The following CDKAL1 variants were observed in gnomAD, a reference collection of about 807,000 sequenced individuals.
CDKAL1 encodes the protein threonylcarbamoyladenosine tRNA methylthiotransferase.
CDKAL1 carries 32 observed loss-of-function variants against 68.2 expected under a neutral mutation model. The ratio of observed to expected loss-of-function variants is 0.47; its 90% confidence interval spans 0.35 to 0.63. The LOEUF is 0.63. Ranked by LOEUF, CDKAL1 falls within the 30% of genes least tolerant of loss-of-function variation. CDKAL1 has a pLI of 0.00. For missense variants in CDKAL1, 606 were observed against 696.7 expected (o/e 0.87, Z 1.47); for synonymous variants, 234 against 244.3 (o/e 0.96, Z 0.39).
At position 20,765,318 on chromosome 6, in the gene CDKAL1, G is replaced by T. The variant is rs1231968691; in HGVS notation, c.517+6675G>T. ...ACTACAGGCGCCCGCCACTACGCCC[G>T]GCTAATTTTTTGTATTTTTAGTAGA... On this transcript the variant is annotated intron_variant, in intron 7 of 15. Transcript: ENST00000274695. Among the ~76,000 whole-genome samples, 129 of 85,644 alleles carry T rather than the reference G, an allele frequency of 1.5e-3. 42 individuals are homozygous for T. Among genetic ancestry groups the T allele is most frequent in the African/African-American group, 5.8e-3 (127 of 21,968 alleles). The allele number at this position is 85,644 out of a possible 152,430, so 56.2% of individuals were successfully genotyped here. A position where few individuals can be genotyped will look rare whatever the true frequency, so the allele number is the denominator to read the frequency against.
intron 11 of CDKAL1, among the ~76,000 whole-genome samples, chr6:21,036,150 C>CA (rs1769586456): frequency 6.6e-6 from 1 of 152,134 alleles, no homozygotes; most frequent in Admixed American, 6.6e-5. Context: ...AGCAGCTTGA[C>CA]ATTACTTGGG....
chr6:20,636,024 C>T (rs1414709648), intron 4 of CDKAL1, among the ~76,000 whole-genome samples: 3 of 152,118 alleles, frequency 2.0e-5, no homozygotes, highest in Admixed American at 1.3e-4. Flanking sequence ...TGTGTCCCCT[C>T]GTCTTCAGAG....
At chr6:21,159,891 T>A (rs1776829461) in intron 13 of CDKAL1, among the ~76,000 whole-genome samples, 1 of 152,228 alleles carries the variant, frequency 6.6e-6, no homozygotes. Context: ...GAGAATATGC[T>A]TATGTAACAG....
chr6:20,996,340 G>T (rs1767105256), intron 10 of CDKAL1, among the ~76,000 whole-genome samples: 4 of 152,240 alleles, frequency 2.6e-5, no homozygotes. Context: ...AAGAGGCCTA[G>T]CTTTTAACGT....
intron 5 of CDKAL1, among the ~76,000 whole-genome samples, chr6:20,679,781 AT>A (rs1770289749): frequency 1.3e-5 from 2 of 152,048 alleles, no homozygotes; most frequent in Admixed American, 1.3e-4. Flanking sequence ...TCATTATTTT[AT>A]CTTTTATGCC....
At chr6:21,132,795 C>G (rs1775393264) in intron 13 of CDKAL1, among the ~76,000 whole-genome samples, 1 of 151,990 alleles carries the variant, frequency 6.6e-6, no homozygotes, top group South Asian at 2.1e-4. Context: ...ATCTGTCTAC[C>G]CCCCAAAACT....
chr6:20,570,452 G>A (rs1037902649), intron 4 of CDKAL1, among the ~76,000 whole-genome samples: 4 of 151,744 alleles, frequency 2.6e-5, no homozygotes, highest in Non-Finnish European at 5.9e-5. Context: ...CTAGGCTGGA[G>A]TGCAGTGGCG....
chr6:21,116,408 A>G (rs1195278011), intron 13 of CDKAL1, among the ~76,000 whole-genome samples: 2 of 152,202 alleles, frequency 1.3e-5, no homozygotes, highest in Non-Finnish European at 2.9e-5. Context: ...TGTAACCAGC[A>G]CTATTCTCAA....
chr6:20,535,656 G>T (rs1222548076), intron 2 of CDKAL1, among the ~76,000 whole-genome samples: 2 of 151,554 alleles, frequency 1.3e-5, no homozygotes, highest in African/African-American at 4.9e-5. Flanking sequence ...TTTTTTCCTT[G>T]TCTGGTGGCT....
chr6:20,900,034 G>A (rs1261065910), intron 9 of CDKAL1, among the ~76,000 whole-genome samples: 1 of 152,174 alleles, frequency 6.6e-6, no homozygotes, highest in Non-Finnish European at 1.5e-5. Context: ...AGAGATGCTA[G>A]CACCCTCTGT....
intron 12 of CDKAL1, among the ~76,000 whole-genome samples, chr6:21,068,057 G>T (rs12209678): frequency 0.081 from 11,452 of 141,336 alleles, 417 homozygotes; most frequent in Admixed American, 0.11. Flanking sequence ...TTTACCAGTT[G>T]GATTTACAAC....
chr6:20,558,760 T>C, intron 4 of CDKAL1: 1 of 360,588 alleles, frequency 2.8e-6, no homozygotes, highest in South Asian at 2.1e-5. Context: ...GGCGTTACAA[T>C]ACATTTTTAA....
At chr6:21,012,658 G>A (rs1052135270) in intron 11 of CDKAL1, among the ~76,000 whole-genome samples, 4 of 152,166 alleles carry the variant, frequency 2.6e-5, no homozygotes, top group African/African-American at 7.2e-5. Flanking sequence ...GCCTTTCTGC[G>A]CAAGCACTGA....
intron 6 of CDKAL1, among the ~76,000 whole-genome samples, chr6:20,741,609 T>C (rs1017286756): frequency 7.2e-5 from 11 of 152,196 alleles, no homozygotes; most frequent in Admixed American, 2.0e-4. Flanking sequence ...GATAATGGCC[T>C]CCAGCTCCAT....
intron 15 of CDKAL1, among the ~76,000 whole-genome samples, chr6:21,207,077 T>C (rs1202354635): frequency 6.6e-6 from 1 of 152,104 alleles, no homozygotes; most frequent in African/African-American, 2.4e-5. Context: ...CACACCCAGC[T>C]AATTTTTGTA....
intron 12 of CDKAL1, among the ~76,000 whole-genome samples, chr6:21,101,576 C>G (rs1195737862): frequency 6.6e-6 from 1 of 152,140 alleles, no homozygotes; most frequent in Non-Finnish European, 1.5e-5. Context: ...CCTGTGTGAT[C>G]CCATCCCTGT....
In CDKAL1 at chr6:20,710,676, A is replaced by T. The variant is rs369233926; in HGVS notation, c.372-28843A>T. Among the ~76,000 whole-genome samples the T allele has an allele frequency of 1.5e-4, 23 of 152,364 alleles. No homozygotes were observed. The East Asian group carries it at 2.7e-3, about 18-fold the overall frequency. The stretch of plus-strand genomic sequence containing the variant: ...GTGGACTAGAAAAGTGGAGGAGATA[A>T]CTAGGACATAGTGAAGCTTACTTTA... On this transcript the variant is annotated intron_variant, in intron 5 of 15. Transcript: ENST00000274695.
chr6:20,791,050 T>G (rs1216439082), intron 8 of CDKAL1, among the ~76,000 whole-genome samples: 1 of 152,166 alleles, frequency 6.6e-6, no homozygotes, highest in Non-Finnish European at 1.5e-5. Flanking sequence ...TGGATTTGAC[T>G]TGTAGCTTGG....
At chr6:21,083,702 G>C (rs982220954) in intron 12 of CDKAL1, among the ~76,000 whole-genome samples, 3 of 152,206 alleles carry the variant, frequency 2.0e-5, no homozygotes, top group Non-Finnish European at 4.4e-5. Flanking sequence ...AGAGGAGTCA[G>C]TCTAGGATCA....
Sources: allele counts gnomAD v4.1 joint callset (sites outside exome capture counted in the v4.1 genomes callset), GRCh38; gene constraint gnomAD v4.1.1; transcripts MANE v1.5; gene names NCBI Gene and HGNC (gene_info 2026-07-23, HGNC 2026-07-21).